BMPER: variants seen among roughly 807,000 people sequenced by gnomAD.
BMPER encodes BMP binding endothelial regulator.
Under a neutral mutation model 87.3 loss-of-function variants are expected in BMPER, and 45 were observed. That is an observed-to-expected ratio of 0.52 (90% CI 0.41 to 0.66). The LOEUF (loss-of-function observed/expected upper bound fraction) is 0.66, where lower values mean the gene tolerates loss of function less well. Ranked by LOEUF, BMPER falls within the 30% of genes least tolerant of loss-of-function variation. The pLI is 0.00. For missense variants in BMPER, 784 were observed against 867.5 expected, an observed-to-expected ratio of 0.90 and a Z score of 1.21; for synonymous variants, 326 against 316.2, an observed-to-expected ratio of 1.03 and a Z score of -0.33.
At chr7:34,064,332 C>T (rs937337006) in intron 11 of BMPER, among the ~76,000 whole-genome samples, 5 of 151,640 alleles carry the variant, frequency 3.3e-5, no homozygotes, top group African/African-American at 1.2e-4. Flanking sequence ...CAGTCTAAAT[C>T]TTGAATTATC....
intron 2 of BMPER, 44 bp from the exon 3 acceptor site, chr7:33,937,245 T>A (rs1784625317): frequency 6.3e-7 from 1 of 1,589,798 alleles, no homozygotes; most frequent in Non-Finnish European, 8.6e-7. Flanking sequence ...TGGGGAATTC[T>A]GTTTGATGTC....
chr7:34,007,201 T>G (rs1444710688), intron 6 of BMPER, among the ~76,000 whole-genome samples: 1 of 152,106 alleles, frequency 6.6e-6, no homozygotes, highest in Non-Finnish European at 1.5e-5. Context: ...TGCTTAATTG[T>G]AGATGAATTT....
intron 6 of BMPER, among the ~76,000 whole-genome samples, chr7:34,015,154 G>A (rs566631527): frequency 1.6e-4 from 25 of 152,020 alleles, no homozygotes; most frequent in Admixed American, 3.9e-4. Flanking sequence ...AAGGTGAGTC[G>A]ACTGTTACAC....
chr7:34,058,012 C>A (rs1157785113), intron 9 of BMPER, 47 bp from the exon 10 acceptor site: 9 of 1,564,474 alleles, frequency 5.8e-6, no homozygotes, highest in Non-Finnish European at 7.9e-6. Flanking sequence ...TGCCTCAACT[C>A]CTGTCAGCCT....
At chr7:34,004,182 A>C (rs1786664130) in intron 6 of BMPER, among the ~76,000 whole-genome samples, 1 of 152,038 alleles carries the variant, frequency 6.6e-6, no homozygotes, top group Non-Finnish European at 1.5e-5. Flanking sequence ...TCTGCTGTTG[A>C]ACTCCTGCAG....
At chr7:33,994,031 G>T (rs1316586713) in intron 6 of BMPER, among the ~76,000 whole-genome samples, 1 of 152,252 alleles carries the variant, frequency 6.6e-6, no homozygotes, top group Admixed American at 6.5e-5. Context: ...CAAGCTGTCA[G>T]ACAGGGACAT....
chr7:34,124,160 T>C (rs1790335662), intron 13 of BMPER, among the ~76,000 whole-genome samples: 1 of 152,208 alleles, frequency 6.6e-6, no homozygotes, highest in Non-Finnish European at 1.5e-5. Flanking sequence ...TAGCTCATTG[T>C]TATCTTTTCT....
At chr7:33,925,830 A>T (rs1309406816) in intron 2 of BMPER, among the ~76,000 whole-genome samples, 2 of 152,210 alleles carry the variant, frequency 1.3e-5, no homozygotes, top group Non-Finnish European at 2.9e-5. Context: ...ACGCTGACAG[A>T]TGTAGGTCAA....
chr7:34,143,521 G>A (rs957786688), intron 14 of BMPER, among the ~76,000 whole-genome samples, 161 bp downstream of exon 14: 1 of 152,186 alleles, frequency 6.6e-6, no homozygotes, highest in Non-Finnish European at 1.5e-5. Context: ...ATAAAACACA[G>A]GGACTTCCCA....
intron 13 of BMPER, among the ~76,000 whole-genome samples, chr7:34,092,047 C>G (rs1003179409): frequency 5.3e-5 from 8 of 152,170 alleles, no homozygotes; most frequent in Non-Finnish European, 8.8e-5. Context: ...CACTGGCATC[C>G]TCTCTGATCT....
At chr7:34,146,360 C>A (rs1438290922) in intron 14 of BMPER, among the ~76,000 whole-genome samples, 1 of 152,110 alleles carries the variant, frequency 6.6e-6, no homozygotes, top group African/African-American at 2.4e-5. Flanking sequence ...AAAGTCCAGC[C>A]TGGATTTTAA....
chr7:34,056,428 AC>A (rs1788286710), intron 9 of BMPER, among the ~76,000 whole-genome samples: 1 of 152,090 alleles, frequency 6.6e-6, no homozygotes, highest in South Asian at 2.1e-4. Context: ...AGAGAAAACA[AC>A]TGAGGACAAA....
At chr7:33,924,533 C>T (rs1236358127) in intron 2 of BMPER, among the ~76,000 whole-genome samples, 1 of 152,252 alleles carries the variant, frequency 6.6e-6, no homozygotes, top group East Asian at 1.9e-4. Context: ...GATACCCAAC[C>T]CCCTCTCCAC....
At chr7:34,059,744 GA>G (rs76980222) in intron 10 of BMPER, among the ~76,000 whole-genome samples, 6,089 of 126,908 alleles carry the variant, frequency 0.048, 333 homozygotes, top group African/African-American at 0.14. Flanking sequence ...GGAAATTTTG[GA>G]AAAAAAAAAA....
Position 34,137,486 on chromosome 7 carries a change from C to T in BMPER, c.1746-5744C>T, listed in dbSNP as rs541686051. Among the ~76,000 whole-genome samples, 31 of 152,316 alleles carry T rather than the reference C, an allele frequency of 2.0e-4. No individual in the cohort carries two copies. In the South Asian group the frequency reaches 2.5e-3, roughly 12 times the overall value. ...GAATATTTACTGAGCTGTGTGTTCA[C>T]GGCACTGTGCTGGGGGGCTAGATAA... On this transcript the variant is annotated intron_variant, in intron 13 of 14. Coordinates refer to ENST00000649409, the MANE Select transcript of BMPER (RefSeq NM_001365308.1).
chr7:34,086,479 A>G (rs1249100989), intron 13 of BMPER, among the ~76,000 whole-genome samples: 1 of 152,208 alleles, frequency 6.6e-6, no homozygotes, highest in Non-Finnish European at 1.5e-5. Context: ...ATCTCAAGTC[A>G]CTTGGCTGCC....
At chr7:33,991,496 T>A (rs2127926479) in intron 6 of BMPER, among the ~76,000 whole-genome samples, 1 of 152,316 alleles carries the variant, frequency 6.6e-6, no homozygotes. Flanking sequence ...ATCTATTTGA[T>A]TCTTCTCTCT....
At chr7:33,955,619 A>G (rs997931093) in intron 3 of BMPER, among the ~76,000 whole-genome samples, 2 of 152,248 alleles carry the variant, frequency 1.3e-5, no homozygotes, top group African/African-American at 2.4e-5. Context: ...AGGCTTCTCA[A>G]TGAGGCATAG....
rs1791298869 is a variant in BMPER at position 34,156,273 on chromosome 7, A to G, written c.*3000A>G. Among the ~76,000 whole-genome samples, 1 of 152,222 alleles carries G rather than the reference A, an allele frequency of 6.6e-6. No homozygotes were observed. The highest frequency in any genetic ancestry group is 2.1e-4 in the South Asian group (1 of 4,832). On this transcript the variant is annotated 3_prime_UTR_variant, in exon 15 of 15. Coordinates refer to ENST00000649409, the MANE Select transcript of BMPER (RefSeq NM_001365308.1). Reference sequence around the variant, plus strand: ...TTCAACTGGAAAACTCTTCCTTTTTATGAGATATTTCAGACACACAAAAAG... The same window carrying G: ...TTCAACTGGAAAACTCTTCCTTTTTGTGAGATATTTCAGACACACAAAAAG...
Sources: allele counts gnomAD v4.1 joint callset (sites outside exome capture counted in the v4.1 genomes callset), GRCh38; gene constraint gnomAD v4.1.1; transcripts MANE v1.5; gene names NCBI Gene and HGNC (gene_info 2026-07-23, HGNC 2026-07-21).